Variants in AFG2A observed in about 807,000 individuals in gnomAD.
AFG2A encodes the protein ATPase family gene 2 protein homolog A.
At chr4:123,296,796 C>A in the AFG2A span, among the ~76,000 whole-genome samples, 4 of 152,142 alleles carry the variant, frequency 2.6e-5, no homozygotes, top group Non-Finnish European at 5.9e-5. Context: ...TATCTTTTCC[C>A]TAAGTGTTCA....
At chr4:123,095,042 A>AAAAAAAT in the AFG2A span, among the ~76,000 whole-genome samples, 8 of 114,100 alleles carry the variant, frequency 7.0e-5, no homozygotes, top group South Asian at 5.6e-4. Context: ...AAAAAAAAAA[A>AAAAAAAT]ATATATATAT....
chr4:122,978,665 G>C, the AFG2A span, among the ~76,000 whole-genome samples: 3 of 152,296 alleles, frequency 2.0e-5, no homozygotes, highest in Admixed American at 6.5e-5. Context: ...TGGTGCTGGG[G>C]CTGTTCATGC....
At chr4:123,132,763 G>A in the AFG2A span, among the ~76,000 whole-genome samples, 2 of 149,924 alleles carry the variant, frequency 1.3e-5, no homozygotes, top group African/African-American at 4.9e-5. Flanking sequence ...CATCTCTTCC[G>A]CATAATGATT....
At chr4:123,248,610 C>G in the AFG2A span, among the ~76,000 whole-genome samples, 1 of 152,122 alleles carries the variant, frequency 6.6e-6, no homozygotes, top group Admixed American at 6.6e-5. Context: ...AAGCATGTTT[C>G]TTCTATCTAT....
chr4:123,148,818 G>A, the AFG2A span, among the ~76,000 whole-genome samples: 2 of 150,186 alleles, frequency 1.3e-5, no homozygotes, highest in African/African-American at 4.9e-5. Context: ...GACCAGGCTG[G>A]AGTGCAGTGG....
chr4:123,039,633 C>T, the AFG2A span, among the ~76,000 whole-genome samples: 2 of 151,724 alleles, frequency 1.3e-5, no homozygotes, highest in Admixed American at 1.3e-4. Context: ...ATAGGCATTT[C>T]TTGCTTTGTA....
the AFG2A span, among the ~76,000 whole-genome samples, chr4:123,287,760 A>G: frequency 6.6e-6 from 1 of 152,178 alleles, no homozygotes; most frequent in Non-Finnish European, 1.5e-5. Flanking sequence ...GTATGTGGCA[A>G]TAAGAGAGAA....
the AFG2A span, among the ~76,000 whole-genome samples, chr4:122,938,591 TTTA>T: frequency 1.3e-5 from 2 of 152,312 alleles, no homozygotes; most frequent in Admixed American, 1.3e-4. Context: ...TTTATTTTTA[TTTA>T]TTATTATTGT....
the AFG2A span, among the ~76,000 whole-genome samples, chr4:122,982,975 C>A: frequency 3.6e-5 from 5 of 137,480 alleles, no homozygotes; most frequent in African/African-American, 1.4e-4. Flanking sequence ...TCAAGTGATT[C>A]TCCTGCCTCA....
At chr4:123,062,306 A>G in the AFG2A span, among the ~76,000 whole-genome samples, 3 of 152,196 alleles carry the variant, frequency 2.0e-5, no homozygotes, top group Non-Finnish European at 4.4e-5. Context: ...TTACTTATAA[A>G]CCTGGATGAT....
the AFG2A span, among the ~76,000 whole-genome samples, chr4:123,047,971 A>T: frequency 6.6e-6 from 1 of 152,098 alleles, no homozygotes; most frequent in Non-Finnish European, 1.5e-5. Flanking sequence ...AGTTGCTGGG[A>T]TTACAGGAGT....
the AFG2A span, among the ~76,000 whole-genome samples, chr4:123,004,011 G>T: frequency 8.0e-4 from 122 of 152,194 alleles, no homozygotes; most frequent in Non-Finnish European, 1.5e-3. Flanking sequence ...CCTGAGCAAT[G>T]GCAGGCGCCC....
chr4:122,961,256 A>C, the AFG2A span, among the ~76,000 whole-genome samples: 1 of 152,200 alleles, frequency 6.6e-6, no homozygotes, highest in African/African-American at 2.4e-5. Context: ...TTGATATTTA[A>C]ACATTTTCTA....
At chr4:123,029,946 C>T in the AFG2A span, among the ~76,000 whole-genome samples, 1 of 152,104 alleles carries the variant, frequency 6.6e-6, no homozygotes, top group Non-Finnish European at 1.5e-5. Flanking sequence ...GCAAAGGTTG[C>T]GGTTTTAAGG....
chr4:122,988,397 CTTTCT>C, the AFG2A span, among the ~76,000 whole-genome samples: 2 of 83,136 alleles, frequency 2.4e-5, no homozygotes, highest in African/African-American at 8.0e-5. Flanking sequence ...TTCTGTCATT[CTTTCT>C]TTTTTTTTTT....
At chr4:123,205,770 C>T in the AFG2A span, among the ~76,000 whole-genome samples, 1 of 152,118 alleles carries the variant, frequency 6.6e-6, no homozygotes, top group Non-Finnish European at 1.5e-5. Flanking sequence ...ACTCATAAAG[C>T]ATTTAACAGA....
the AFG2A span, among the ~76,000 whole-genome samples, chr4:123,022,735 C>T: frequency 7.3e-5 from 11 of 151,708 alleles, no homozygotes; most frequent in East Asian, 1.9e-4. Context: ...CACATGCACA[C>T]GTATGTTTAT....
chr4:123,287,871 TAA>T, the AFG2A span, among the ~76,000 whole-genome samples: 1 of 152,146 alleles, frequency 6.6e-6, no homozygotes, highest in Non-Finnish European at 1.5e-5. Flanking sequence ...GGCATTTGTG[TAA>T]AGACTTGAGG....
the AFG2A span, among the ~76,000 whole-genome samples, chr4:123,220,009 A>G: frequency 3.2e-4 from 49 of 152,114 alleles, no homozygotes; most frequent in Admixed American, 3.1e-3. Flanking sequence ...AGCTGAGACT[A>G]CAGGCACATG....
Sources: allele counts gnomAD v4.1 joint callset (sites outside exome capture counted in the v4.1 genomes callset), GRCh38; gene constraint gnomAD v4.1.1; transcripts MANE v1.5; gene names NCBI Gene and HGNC (gene_info 2026-07-23, HGNC 2026-07-21).